The following GPC6 variants were observed in gnomAD, a reference collection of about 807,000 sequenced individuals.
GPC6 encodes the protein glypican 6, also known as glypican-6.
GPC6 carries 14 observed loss-of-function variants against 55.2 expected under a neutral mutation model. The observed-to-expected ratio is 0.25, with a 90% CI of 0.17 to 0.40. The LOEUF is 0.40. Among genes scored for constraint, GPC6 ranks in the 10% least tolerant of loss-of-function variants. The probability of loss-of-function intolerance (pLI) is 1.00; values close to 1 mark genes in which losing one functional copy is unlikely to be tolerated. For synonymous variants in GPC6, 278 were observed against 259.6 expected, an observed-to-expected ratio of 1.07 and a Z score of -0.68; for missense variants, 641 against 708.5, an observed-to-expected ratio of 0.90 and a Z score of 1.08.
intron 4 of GPC6, among the ~76,000 whole-genome samples, chr13:94,173,076 A>G (rs1274002182): frequency 1.3e-5 from 2 of 152,158 alleles, no homozygotes; most frequent in African/African-American, 4.8e-5. Flanking sequence ...TGAATGAGGA[A>G]AGGGATACTT....
intron 1 of GPC6, among the ~76,000 whole-genome samples, chr13:93,472,380 G>A (rs1024094799): frequency 2.0e-5 from 3 of 152,180 alleles, no homozygotes; most frequent in Non-Finnish European, 4.4e-5. Flanking sequence ...TGTAAGTCAT[G>A]GAGGTGTGGA....
At chr13:94,382,336 C>A (rs540391834) in intron 6 of GPC6, 78 bp from the exon 7 acceptor site, 10 of 1,475,386 alleles carry the variant, frequency 6.8e-6, no homozygotes, top group Non-Finnish European at 9.5e-6. Context: ...CTATAACCCT[C>A]GCCTGCGTAC....
At chr13:94,046,807 C>T (rs921840392) in intron 4 of GPC6, among the ~76,000 whole-genome samples, 6 of 152,112 alleles carry the variant, frequency 3.9e-5, no homozygotes, top group Non-Finnish European at 8.8e-5. Context: ...GGGCAAGTTG[C>T]TTAAGATTTC....
chr13:93,918,547 G>A (rs1877406279), intron 3 of GPC6, among the ~76,000 whole-genome samples: 1 of 152,114 alleles, frequency 6.6e-6, no homozygotes, highest in Non-Finnish European at 1.5e-5. Flanking sequence ...CCACATTAAA[G>A]TTTAGCTGAT....
Position 94,110,840 on chromosome 13 carries a change from T to A in GPC6, c.877+82946T>A, listed in dbSNP as rs115141718. The stretch of plus-strand genomic sequence containing the variant: ...TATATATTATTCGACAGTACATTTC[T>A]CTTTGTGAAAATGTACAAGAATTTT... On this transcript the variant is annotated intron_variant, in intron 4 of 8. Transcript: ENST00000377047. Among the ~76,000 whole-genome samples the A allele has an allele frequency of 3.9e-3, 593 of 152,296 alleles. 3 individuals are homozygous for A. The highest frequency in any genetic ancestry group is 0.013 in the African/African-American group (557 of 41,582).
At chr13:94,266,191 A>C (rs1009590553) in intron 4 of GPC6, among the ~76,000 whole-genome samples, 21 of 146,108 alleles carry the variant, frequency 1.4e-4, no homozygotes, top group East Asian at 4.1e-4. Context: ...TTTTTTGAGA[A>C]GGAGTCTCGC....
chr13:94,351,606 C>A (rs964745195), intron 6 of GPC6, among the ~76,000 whole-genome samples: 12 of 152,034 alleles, frequency 7.9e-5, no homozygotes, highest in Non-Finnish European at 1.3e-4. Context: ...CAGTAATCAT[C>A]CTTTGCCTTG....
intron 1 of GPC6, among the ~76,000 whole-genome samples, chr13:93,427,634 A>T (rs1566351386): frequency 6.6e-6 from 1 of 152,170 alleles, no homozygotes; most frequent in South Asian, 2.1e-4. Context: ...TTATCACTTC[A>T]TTCTATACTA....
intron 6 of GPC6, among the ~76,000 whole-genome samples, chr13:94,355,159 G>T (rs1191180648): frequency 6.6e-6 from 1 of 152,050 alleles, no homozygotes; most frequent in East Asian, 1.9e-4. Context: ...AAGTAGCTGG[G>T]ATTACAGGCA....
At chr13:94,306,346 A>G in intron 6 of GPC6, 1 of 604,102 alleles carries the variant, frequency 1.7e-6, no homozygotes, top group Non-Finnish European at 3.0e-6. Flanking sequence ...CTATTAATGC[A>G]TGTATGCAGT....
chr13:93,619,082 C>T (rs1878845043), intron 2 of GPC6, among the ~76,000 whole-genome samples: 1 of 152,106 alleles, frequency 6.6e-6, no homozygotes, highest in Non-Finnish European at 1.5e-5. Context: ...CATGGGAACA[C>T]CATCATATAT....
At chr13:93,335,227 C>A (rs867681933) in intron 1 of GPC6, among the ~76,000 whole-genome samples, 1 of 152,172 alleles carries the variant, frequency 6.6e-6, no homozygotes, top group Non-Finnish European at 1.5e-5. Flanking sequence ...ATACCTGTTA[C>A]GTTATAGAAT....
At chr13:93,327,245 G>C (rs530513258) in intron 1 of GPC6, among the ~76,000 whole-genome samples, 1 of 152,220 alleles carries the variant, frequency 6.6e-6, no homozygotes, top group South Asian at 2.1e-4. Flanking sequence ...TTTGTTCTAA[G>C]CATTGTTCAA....
chr13:93,924,372 T>G (rs1209998239), intron 3 of GPC6, among the ~76,000 whole-genome samples: 3 of 152,244 alleles, frequency 2.0e-5, no homozygotes, highest in Non-Finnish European at 4.4e-5. Context: ...TACAATCGTC[T>G]GCGTTTTCTC....
At position 93,931,691 on chromosome 13, in the gene GPC6, G is replaced by A. The variant is rs143079187; in HGVS notation, c.712-96038G>A. Among the ~76,000 whole-genome samples, 5 of 143,774 alleles carry A rather than the reference G, an allele frequency of 3.5e-5. 1 individual carries two copies. Among genetic ancestry groups the A allele is most frequent in the Non-Finnish European group, 7.5e-5 (5 of 66,824 alleles). 94.3% of individuals were successfully genotyped at this position (143,774 alleles called of 152,430 possible). ...AGGCGGAAGAGTCACTTGAACCTGA[G>A]AAGCAGAGGTTGCAGTGAGCCAAGA... On this transcript the variant is annotated intron_variant, in intron 3 of 8. Transcript: ENST00000377047.
intron 1 of GPC6, among the ~76,000 whole-genome samples, chr13:93,444,568 C>T (rs1877930944): frequency 6.6e-6 from 1 of 152,170 alleles, no homozygotes; most frequent in Non-Finnish European, 1.5e-5. Flanking sequence ...GATCGCGCCA[C>T]TGCACTCCAG....
intron 2 of GPC6, among the ~76,000 whole-genome samples, chr13:93,616,653 A>G (rs1878736301): frequency 6.6e-6 from 1 of 152,118 alleles, no homozygotes; most frequent in South Asian, 2.1e-4. Flanking sequence ...ATGCTCAGGC[A>G]AGAACCATCC....
At chr13:93,600,949 C>CAAA (rs1196219049) in intron 2 of GPC6, among the ~76,000 whole-genome samples, 6 of 26,998 alleles carry the variant, frequency 2.2e-4, no homozygotes, top group Admixed American at 3.7e-4. Context: ...AATTCCGCCT[C>CAAA]AAAAAAAAAA....
At chr13:93,284,222 A>C (rs962577243) in intron 1 of GPC6, among the ~76,000 whole-genome samples, 1 of 152,214 alleles carries the variant, frequency 6.6e-6, no homozygotes, top group East Asian at 1.9e-4. Context: ...TTGGAGTATC[A>C]GAAGAAAATC....
Sources: gnomAD v4.1 joint callset for allele counts (sites outside exome capture counted in the v4.1 genomes callset) on GRCh38, gnomAD v4.1.1 for gene constraint, MANE v1.5 for transcripts, NCBI Gene and HGNC (gene_info 2026-07-23, HGNC 2026-07-21) for gene names.